The following PELI1 variants were observed in gnomAD, a reference collection of about 807,000 sequenced individuals.
PELI1 encodes the protein E3 ubiquitin-protein ligase pellino homolog 1.
Under a neutral mutation model 41.3 loss-of-function variants are expected in PELI1, and 15 were observed. The observed-to-expected ratio is 0.36, with a 90% CI of 0.24 to 0.56. The LOEUF (loss-of-function observed/expected upper bound fraction) is 0.56. Ranked by LOEUF, PELI1 falls within the 20% of genes least tolerant of loss-of-function variation. The pLI, the probability that PELI1 is intolerant of heterozygous loss-of-function variation, is 0.82. For synonymous variants in PELI1, 178 were observed against 180.1 expected, an observed-to-expected ratio of 0.99 and a Z score of 0.09; for missense variants, 403 against 525.5, an observed-to-expected ratio of 0.77 and a Z score of 2.28.
chr2:64,110,873 C>A (rs1203094205), intron 1 of PELI1, among the ~76,000 whole-genome samples: 1 of 151,866 alleles, frequency 6.6e-6, no homozygotes, highest in East Asian at 1.9e-4. Context: ...TTGCAGTGAA[C>A]CCAGATCGCA....
chr2:64,112,932 GTC>G (rs1317322836), intron 1 of PELI1, among the ~76,000 whole-genome samples: 1 of 151,840 alleles, frequency 6.6e-6, no homozygotes, highest in African/African-American at 2.4e-5. Context: ...CCTACTCACT[GTC>G]TTTATATATT....
In PELI1 at chr2:64,096,214, A is replaced by T. The variant is rs1558470491; in HGVS notation, c.601T>A (p.Ser201Thr). Reference protein sequence around the residue: ...MHPRNGFTEDSKPGIWREISV... With the variant: ...MHPRNGFTEDTKPGIWREISV... Reference sequence around the variant, plus strand: ...ATTTCTCTCCATATTCCAGGCTTGGAGTCTTCTGTGAACCCATTGCGTGGA... The same window carrying T: ...ATTTCTCTCCATATTCCAGGCTTGGTGTCTTCTGTGAACCCATTGCGTGGA... The change falls in exon 6 of 7, where the codon TCC (serine) becomes ACC (threonine). Residue 201 changes from serine (S) to threonine (T), a missense_variant. Coordinates refer to ENST00000358912, the MANE Select transcript of PELI1 (RefSeq NM_020651.4). 5 of 1,613,814 alleles carry T rather than the reference A, an allele frequency of 3.1e-6. No homozygotes were observed. Among genetic ancestry groups the T allele is most frequent in the African/African-American group, 1.3e-5 (1 of 74,916 alleles).
chr2:64,093,152 C>T lies in PELI1; in HGVS notation c.*1550G>A, dbSNP rs1039779561. The T allele has an allele frequency of 1.2e-4, 19 of 152,472 alleles. No individual in the cohort carries two copies. The highest frequency in any genetic ancestry group is 4.1e-4 in the African/African-American group (17 of 41,400). The allele number at this position is 152,472 out of a possible 1,614,324, so 9.4% of individuals were successfully genotyped here. A position where few individuals can be genotyped will look rare whatever the true frequency, so the allele number is the denominator to read the frequency against. On this transcript the variant is annotated 3_prime_UTR_variant, in exon 7 of 7. Coordinates refer to ENST00000358912, the MANE Select transcript of PELI1 (RefSeq NM_020651.4). ...ATCATTTTTTAAAACAAGGAAGTTT[C>T]GACAGTTGAAGTAAAATAAAATAAT...
chr2:64,096,345 T>C (rs1430107820), intron 5 of PELI1, 32 bp from the exon 6 acceptor site: 1 of 1,596,938 alleles, frequency 6.3e-7, no homozygotes, highest in Non-Finnish European at 8.6e-7. Flanking sequence ...AGCTTCCAAC[T>C]TGTAACTTGT....
At chr2:64,130,781 T>C (rs547776831) in intron 1 of PELI1, among the ~76,000 whole-genome samples, 26 of 152,324 alleles carry the variant, frequency 1.7e-4, no homozygotes, top group Middle Eastern at 3.4e-3. Context: ...CTAGAGACTA[T>C]AGAATGTTAA....
In PELI1 at chr2:64,104,733, C is replaced by T; in HGVS notation, c.169G>A (p.Val57Met). The change falls in exon 3 of 7, where the codon GTG becomes ATG. Residue 57 changes from valine to methionine, a missense_variant. Transcript: ENST00000358912. ...PKANGVKPST[V>M]HIACTPQAAK... is the part of the protein sequence containing the mutation. ...GCCTGAGGAGTACAAGCAATATGCA[C>T]AGTGCTGGGCTTCACCCCATTTGCC... 6.2e-7 allele frequency: 1 copy of T among 1,606,968 alleles called. No homozygotes were observed. Among genetic ancestry groups the T allele is most frequent in the South Asian group, 1.1e-5 (1 of 90,672 alleles).
intron 1 of PELI1, among the ~76,000 whole-genome samples, chr2:64,112,395 A>G (rs141159239): frequency 3.9e-4 from 60 of 152,258 alleles, no homozygotes; most frequent in African/African-American, 1.3e-3. Flanking sequence ...CGTGCATAAC[A>G]CTATAGATTT....
chr2:64,103,326 T>C (rs1680508475), intron 3 of PELI1, among the ~76,000 whole-genome samples: 1 of 152,154 alleles, frequency 6.6e-6, no homozygotes, highest in Non-Finnish European at 1.5e-5. Flanking sequence ...GAGGTAGTAT[T>C]AGCAGTCTAA....
At chr2:64,116,278 G>A (rs1238396483) in intron 1 of PELI1, among the ~76,000 whole-genome samples, 1 of 152,096 alleles carries the variant, frequency 6.6e-6, no homozygotes, top group Non-Finnish European at 1.5e-5. Context: ...TATTGTCTGT[G>A]CCCATTCTTA....
chr2:64,100,734 C>CT (rs924719828), intron 3 of PELI1, among the ~76,000 whole-genome samples: 7 of 151,050 alleles, frequency 4.6e-5, no homozygotes, highest in East Asian at 3.9e-4. Context: ...AACTTTCTTT[C>CT]TTTTTTTTTA....
chr2:64,125,537 G>A (rs1681356792), intron 1 of PELI1, among the ~76,000 whole-genome samples: 1 of 152,126 alleles, frequency 6.6e-6, no homozygotes, highest in Non-Finnish European at 1.5e-5. Flanking sequence ...TGATCCCTCT[G>A]AGGACAAAGA....
At chr2:64,143,698 CACAA>C (rs780576038) in intron 1 of PELI1, among the ~76,000 whole-genome samples, 38 of 152,164 alleles carry the variant, frequency 2.5e-4, no homozygotes, top group Non-Finnish European at 4.9e-4. Context: ...ATCAGATCCG[CACAA>C]ACAAAAGGGA....
At chr2:64,111,096 T>C (rs565630629) in intron 1 of PELI1, among the ~76,000 whole-genome samples, 11 of 152,274 alleles carry the variant, frequency 7.2e-5, no homozygotes, top group African/African-American at 1.4e-4. Context: ...TAGTTCCTGA[T>C]AGACCTGTTA....
At chr2:64,126,654 T>A (rs1397597658) in intron 1 of PELI1, among the ~76,000 whole-genome samples, 1 of 152,186 alleles carries the variant, frequency 6.6e-6, no homozygotes, top group Non-Finnish European at 1.5e-5. Flanking sequence ...TAAATCAGTA[T>A]AGAACAGATA....
intron 1 of PELI1, among the ~76,000 whole-genome samples, chr2:64,119,327 C>T (rs535502570): frequency 6.6e-6 from 1 of 152,270 alleles, no homozygotes; most frequent in African/African-American, 2.4e-5. Context: ...CTTACTTTAA[C>T]CTGAAGCATT....
chr2:64,106,003 T>A (rs766316566), intron 2 of PELI1, among the ~76,000 whole-genome samples: 19 of 152,248 alleles, frequency 1.2e-4, no homozygotes, highest in Non-Finnish European at 2.1e-4. Context: ...ATATAGAAAC[T>A]ACATTGACCC....
chr2:64,117,574 T>G (rs1313557849), intron 1 of PELI1, among the ~76,000 whole-genome samples: 5 of 152,150 alleles, frequency 3.3e-5, no homozygotes, highest in African/African-American at 9.7e-5. Flanking sequence ...ATAAGCTCCA[T>G]TCAAAAGGGA....
intron 2 of PELI1, 31 bp from the exon 3 acceptor site, chr2:64,104,861 C>A (rs1431840584): frequency 6.3e-7 from 1 of 1,586,714 alleles, no homozygotes; most frequent in Non-Finnish European, 8.6e-7. Context: ...TAGGTGATCT[C>A]TTGCAAGAAC....
At chr2:64,097,055 C>T (rs1282447706) in intron 4 of PELI1, among the ~76,000 whole-genome samples, 1 of 152,052 alleles carries the variant, frequency 6.6e-6, no homozygotes, top group Non-Finnish European at 1.5e-5. Flanking sequence ...CTATAAATAC[C>T]ACTTACGTTA....
Sources: gnomAD v4.1 joint callset for allele counts (sites outside exome capture counted in the v4.1 genomes callset) on GRCh38, gnomAD v4.1.1 for gene constraint, MANE v1.5 for transcripts, NCBI Gene and HGNC (gene_info 2026-07-23, HGNC 2026-07-21) for gene names.